Variants in RTN1 observed in about 807,000 individuals in gnomAD.
The protein encoded by RTN1 is reticulon-1.
RTN1 carries 25 observed loss-of-function variants against 65.5 expected under a neutral mutation model. The ratio of observed to expected loss-of-function variants is 0.38; its 90% CI spans 0.28 to 0.53. RTN1 has a LOEUF of 0.53. RTN1 is among the 20% of genes least tolerant of loss of function. The probability of loss-of-function intolerance (pLI) is 0.79; values close to 1 mark genes in which losing one functional copy is unlikely to be tolerated. For missense variants in RTN1, 983 were observed against 1,025.4 expected, an observed-to-expected ratio of 0.96 and a Z score of 0.57; for synonymous variants, 471 against 447.6, an observed-to-expected ratio of 1.05 and a Z score of -0.66.
chr14:59,634,028 T>C (rs1440860737), intron 3 of RTN1, among the ~76,000 whole-genome samples: 2 of 152,202 alleles, frequency 1.3e-5, no homozygotes, highest in East Asian at 1.9e-4. Flanking sequence ...CTGGTGTTTA[T>C]GTGTGGGCAA....
intron 3 of RTN1, among the ~76,000 whole-genome samples, chr14:59,666,117 C>T (rs575372751): frequency 1.1e-3 from 161 of 152,294 alleles, no homozygotes; most frequent in Non-Finnish European, 1.9e-3. Flanking sequence ...GAAAGCTCCA[C>T]TCCAAATCAA....
intron 1 of RTN1, among the ~76,000 whole-genome samples, chr14:59,853,981 C>T (rs1887556477): frequency 6.6e-6 from 1 of 150,748 alleles, no homozygotes; most frequent in Non-Finnish European, 1.5e-5. Flanking sequence ...TCTCCTGCTT[C>T]AGCCTCACAA....
At chr14:59,745,634 C>A in intron 2 of RTN1, 74 bp downstream of exon 2, 2 of 1,299,676 alleles carry the variant, frequency 1.5e-6, no homozygotes, top group South Asian at 1.5e-5. Flanking sequence ...ATTGTCATTC[C>A]TTAATATTTG....
At chr14:59,858,328 C>T (rs1594769847) in intron 1 of RTN1, among the ~76,000 whole-genome samples, 1 of 152,088 alleles carries the variant, frequency 6.6e-6, no homozygotes, top group African/African-American at 2.4e-5. Flanking sequence ...AGTTTATAGA[C>T]CATATTTTGA....
chr14:59,838,071 T>C (rs533941723), intron 1 of RTN1, among the ~76,000 whole-genome samples: 31 of 152,294 alleles, frequency 2.0e-4, no homozygotes, highest in African/African-American at 6.7e-4. Flanking sequence ...AAGTACCCAA[T>C]AGGTAGTTTT....
At chr14:59,762,685 T>A (rs1885773847) in intron 1 of RTN1, among the ~76,000 whole-genome samples, 1 of 152,218 alleles carries the variant, frequency 6.6e-6, no homozygotes, top group Non-Finnish European at 1.5e-5. Context: ...GTAGAAAGAA[T>A]CTCTGCTCAA....
intron 1 of RTN1, among the ~76,000 whole-genome samples, chr14:59,750,047 TTATATTA>T (rs1177278358): frequency 7.8e-5 from 4 of 51,280 alleles, no homozygotes; most frequent in African/African-American, 3.0e-4. Flanking sequence ...ATATTATATA[TTATATTA>T]TATACATATA....
At position 59,746,224 on chromosome 14, in the gene RTN1, C is replaced by T; in HGVS notation, c.499G>A (p.Gly167Arg). The T allele has an allele frequency of 6.2e-7, 1 of 1,612,652 alleles. No homozygotes were observed. Among genetic ancestry groups the T allele is most frequent in the Non-Finnish European group, 8.5e-7 (1 of 1,179,408 alleles). The change falls in exon 2 of 9, where the codon GGA (glycine) becomes AGA (arginine). Residue 167 changes from glycine (G) to arginine (R), a missense_variant. Gly to Arg is a moderately radical substitution (Grantham distance 125). This residue lies in a region of RTN1 where 818 missense variants were observed against 801.8 expected (regional missense o/e 1.02). Transcript: ENST00000267484. ...GACTCTGCAGGAGTCATCTCTATTC[C>T]AGAATCAGAACTAAATAAGCCACGA... is the stretch of plus-strand genomic sequence containing the variant. ...ESRGLFSSDS[G>R]IEMTPAESTE...
At chr14:59,711,683 A>T (rs924026096) in intron 3 of RTN1, among the ~76,000 whole-genome samples, 9 of 152,242 alleles carry the variant, frequency 5.9e-5, no homozygotes, top group South Asian at 2.1e-4. Context: ...AGTGAACAAA[A>T]GCCTGTGATC....
chr14:59,704,535 T>C (rs1884250629), intron 3 of RTN1, among the ~76,000 whole-genome samples: 1 of 152,192 alleles, frequency 6.6e-6, no homozygotes, highest in Admixed American at 6.5e-5. Flanking sequence ...CCAGAGTCAC[T>C]AGAACCTACA....
chr14:59,739,336 G>A (rs577918651), intron 2 of RTN1, among the ~76,000 whole-genome samples: 47 of 152,044 alleles, frequency 3.1e-4, no homozygotes, highest in African/African-American at 1.0e-3. Context: ...CCAGGAGTTC[G>A]GGGAGACCAG....
intron 3 of RTN1, among the ~76,000 whole-genome samples, chr14:59,718,301 CT>C (rs1469727063): frequency 6.6e-6 from 1 of 152,212 alleles, no homozygotes; most frequent in Non-Finnish European, 1.5e-5. Flanking sequence ...AGTAACCAGA[CT>C]GAGTGATGTG....
chr14:59,640,562 G>T (rs1470305065), intron 3 of RTN1, among the ~76,000 whole-genome samples: 3 of 152,238 alleles, frequency 2.0e-5, no homozygotes, highest in East Asian at 3.9e-4. Context: ...TGATCTGCCT[G>T]CCTCGGCCTC....
At chr14:59,619,562 C>G (rs567321012) in intron 3 of RTN1, among the ~76,000 whole-genome samples, 1 of 152,168 alleles carries the variant, frequency 6.6e-6, no homozygotes, top group African/African-American at 2.4e-5. Flanking sequence ...GTACAGGGGG[C>G]TGAACATTTA....
chr14:59,803,175 G>C lies in RTN1; in HGVS notation c.242-56694C>G, dbSNP rs1594749532. Among the ~76,000 whole-genome samples, 1 of 152,150 alleles carries C rather than the reference G, an allele frequency of 6.6e-6. No individual in the cohort carries two copies. The highest frequency in any genetic ancestry group is 1.5e-5 in the Non-Finnish European group (1 of 68,026). ...ATGTGACTAAACACAGCTAGAAAAA[G>C]TACACCTGTAATCAGAGTCCCTGGA... On this transcript the variant is annotated intron_variant, in intron 1 of 8. Transcript: ENST00000267484. The surrounding 1 kb of genome is among the most constrained non-coding windows in gnomAD (Gnocchi z 5.6).
chr14:59,844,236 G>A (rs557102534), intron 1 of RTN1, among the ~76,000 whole-genome samples: 1 of 152,310 alleles, frequency 6.6e-6, no homozygotes, highest in Non-Finnish European at 1.5e-5. Context: ...CTGTCATTGT[G>A]ACTATACTAA....
At chr14:59,638,392 A>AT (rs1334901464) in intron 3 of RTN1, among the ~76,000 whole-genome samples, 1 of 152,206 alleles carries the variant, frequency 6.6e-6, no homozygotes, top group African/African-American at 2.4e-5. Context: ...TATGCTGTAA[A>AT]CAGATGTCCT....
chr14:59,732,314 C>T (rs374652296), intron 2 of RTN1, among the ~76,000 whole-genome samples: 29 of 152,124 alleles, frequency 1.9e-4, no homozygotes, highest in African/African-American at 4.6e-4. Flanking sequence ...GTATATGGAG[C>T]GGCCAAGATG....
intron 3 of RTN1, among the ~76,000 whole-genome samples, chr14:59,653,155 G>A (rs1883053490): frequency 6.6e-6 from 1 of 152,054 alleles, no homozygotes; most frequent in Non-Finnish European, 1.5e-5. Context: ...ACAGAAATTT[G>A]GAAAGGAGGA....
Sources: gnomAD v4.1 joint callset for allele counts (sites outside exome capture counted in the v4.1 genomes callset) on GRCh38, gnomAD v4.1.1 for gene constraint, gnomAD v4.1.1 regional missense constraint, Gnocchi (gnomAD v3.1) non-coding constraint, MANE v1.5 for transcripts, NCBI Gene and HGNC (gene_info 2026-07-23, HGNC 2026-07-21) for gene names.